NDST3: variants seen among roughly 807,000 people sequenced by gnomAD.
The protein encoded by NDST3 is N-deacetylase and N-sulfotransferase 3.
In NDST3, 58 loss-of-function variants were observed where a neutral mutation model predicts 96.1. The ratio of observed to expected loss-of-function variants is 0.60; its 90% CI spans 0.49 to 0.75. The LOEUF (loss-of-function observed/expected upper bound fraction) is 0.75. NDST3 is among the 30% of genes least tolerant of loss of function. The pLI is 0.00. For missense variants in NDST3, 788 were observed against 1,034.2 expected (o/e 0.76, Z 3.27); for synonymous variants, 333 against 359.7 (o/e 0.93, Z 0.84).
At chr4:118,063,625 TA>T (rs1726075886) in intron 2 of NDST3, among the ~76,000 whole-genome samples, 1 of 152,170 alleles carries the variant, frequency 6.6e-6, no homozygotes, top group African/African-American at 2.4e-5. Context: ...CAGACTGCAG[TA>T]AGTTACTCCC....
chr4:118,184,833 G>A (rs74517902), intron 6 of NDST3, among the ~76,000 whole-genome samples: 8,295 of 152,140 alleles, frequency 0.055, 456 homozygotes, highest in African/African-American at 0.14. Flanking sequence ...ATTTTCACAT[G>A]TGCCCTCTGA....
Position 118,231,111 on chromosome 4 carries a change from G to A in NDST3, c.1820-1901G>A, listed in dbSNP as rs577469889. Among the ~76,000 whole-genome samples the A allele has an allele frequency of 7.9e-5, 12 of 151,898 alleles. No individual in the cohort carries two copies. The South Asian group carries it at 2.3e-3, about 29-fold the overall frequency. On this transcript the variant is annotated intron_variant, in intron 8 of 13. Coordinates refer to ENST00000296499, the MANE Select transcript of NDST3 (RefSeq NM_004784.3). Reference sequence around the variant, plus strand: ...AGCACTTTGGGAGGCTGAGGTGGGCGGATCACCTGAGGTCAGGAGTTCGAG... The same window carrying A: ...AGCACTTTGGGAGGCTGAGGTGGGCAGATCACCTGAGGTCAGGAGTTCGAG...
intron 6 of NDST3, among the ~76,000 whole-genome samples, chr4:118,173,154 G>GTGTATA (rs61694736): frequency 8.7e-6 from 1 of 114,476 alleles, no homozygotes; most frequent in Non-Finnish European, 2.1e-5. Flanking sequence ...GTGTGTGTGT[G>GTGTATA]TATATATATA....
chr4:118,158,973 G>A (rs937496628), intron 6 of NDST3, among the ~76,000 whole-genome samples: 1 of 152,036 alleles, frequency 6.6e-6, no homozygotes, highest in African/African-American at 2.4e-5. Context: ...CTGCATAGAG[G>A]CCAGTAAAAA....
At chr4:118,155,023 C>T (rs556702795) in intron 6 of NDST3, among the ~76,000 whole-genome samples, 4 of 152,154 alleles carry the variant, frequency 2.6e-5, no homozygotes, top group Non-Finnish European at 4.4e-5. Flanking sequence ...GTCTAATGTA[C>T]TTTTAAAGAA....
At chr4:118,043,124 T>A (rs1199179119) in intron 1 of NDST3, among the ~76,000 whole-genome samples, 3 of 152,188 alleles carry the variant, frequency 2.0e-5, no homozygotes, top group African/African-American at 7.2e-5. Flanking sequence ...AATTGCATAA[T>A]GATAAGTATT....
chr4:118,059,748 A>G (rs770945764), intron 2 of NDST3, among the ~76,000 whole-genome samples: 3 of 152,146 alleles, frequency 2.0e-5, no homozygotes, highest in African/African-American at 7.2e-5. Context: ...TTATTCTGTC[A>G]TAAGTACACA....
intron 2 of NDST3, among the ~76,000 whole-genome samples, chr4:118,087,740 C>A (rs569260515): frequency 2.0e-5 from 3 of 152,130 alleles, no homozygotes; most frequent in African/African-American, 7.2e-5. Context: ...CTCTCTGTTA[C>A]AAAGGACAGC....
At chr4:118,196,215 C>A (rs1253910969) in intron 6 of NDST3, among the ~76,000 whole-genome samples, 1 of 152,112 alleles carries the variant, frequency 6.6e-6, no homozygotes, top group African/African-American at 2.4e-5. Flanking sequence ...TGATGAATGA[C>A]CTTTTTTACC....
At chr4:118,039,027 T>G (rs551474021) in intron 1 of NDST3, among the ~76,000 whole-genome samples, 4 of 152,230 alleles carry the variant, frequency 2.6e-5, no homozygotes, top group Admixed American at 2.6e-4. Flanking sequence ...CACTATGTTA[T>G]GGAATTGTCT....
intron 2 of NDST3, chr4:118,055,740 T>C (rs1725385407): frequency 2.0e-5 from 3 of 151,976 alleles, no homozygotes; most frequent in African/African-American, 7.2e-5. Context: ...AGTGAGACTT[T>C]TGATACATAG....
intron 6 of NDST3, among the ~76,000 whole-genome samples, chr4:118,209,515 C>T (rs1339231163): frequency 2.6e-5 from 4 of 152,166 alleles, no homozygotes; most frequent in Admixed American, 1.3e-4. Context: ...AATAGCAATG[C>T]ATTAAACCAA....
intron 1 of NDST3, among the ~76,000 whole-genome samples, chr4:118,044,688 A>G (rs1724655231): frequency 6.6e-6 from 1 of 152,244 alleles, no homozygotes; most frequent in African/African-American, 2.4e-5. Context: ...TAATTTATAA[A>G]CATTAACAAT....
chr4:118,193,771 A>C lies in NDST3; in HGVS notation c.1540-30720A>C, dbSNP rs1737476214. 2.7e-6 allele frequency: 4 copies of C among 1,487,180 alleles called. No homozygotes were observed. The Admixed American group carries it at 7.2e-5, about 27-fold the overall frequency. The allele number at this position is 1,487,180 out of a possible 1,614,324, so 92.1% of individuals were successfully genotyped here. A position where few individuals can be genotyped will look rare whatever the true frequency, so the allele number is the denominator to read the frequency against. Reference sequence around the variant, plus strand: ...GGGCCTTGTTACAGCTTTCAGTGGCAGCAGAGAAGGCCTGTAGTTTCAGAT... The same window carrying C: ...GGGCCTTGTTACAGCTTTCAGTGGCCGCAGAGAAGGCCTGTAGTTTCAGAT... On this transcript the variant is annotated intron_variant, in intron 6 of 13. Coordinates refer to ENST00000296499, the MANE Select transcript of NDST3 (RefSeq NM_004784.3).
intron 8 of NDST3, among the ~76,000 whole-genome samples, chr4:118,231,253 T>C (rs1224805918): frequency 1.3e-5 from 2 of 151,778 alleles, no homozygotes; most frequent in African/African-American, 4.8e-5. Flanking sequence ...TGAGAATCGC[T>C]TGAGCCCAGG....
chr4:118,061,564 A>T (rs1477974357), intron 2 of NDST3, among the ~76,000 whole-genome samples: 1 of 152,206 alleles, frequency 6.6e-6, no homozygotes, highest in African/African-American at 2.4e-5. Context: ...GCTACCAGAC[A>T]TACCATGTAT....
intron 2 of NDST3, among the ~76,000 whole-genome samples, chr4:118,067,374 A>G (rs767699023): frequency 6.6e-6 from 1 of 152,102 alleles, no homozygotes; most frequent in Non-Finnish European, 1.5e-5. Flanking sequence ...GTAAAGGGAG[A>G]AAATACTTTC....
At chr4:118,233,516 A>G (rs1043863465) in intron 9 of NDST3, among the ~76,000 whole-genome samples, 1 of 152,314 alleles carries the variant, frequency 6.6e-6, no homozygotes, top group African/African-American at 2.4e-5. Context: ...CAGCCAACAT[A>G]TGTAATTTTC....
intron 2 of NDST3, among the ~76,000 whole-genome samples, chr4:118,065,077 T>G (rs1726197494): frequency 6.6e-6 from 1 of 152,132 alleles, no homozygotes; most frequent in Non-Finnish European, 1.5e-5. Context: ...TAATCACATC[T>G]GCAAAATCTC....
Sources: allele counts gnomAD v4.1 joint callset (sites outside exome capture counted in the v4.1 genomes callset), GRCh38; gene constraint gnomAD v4.1.1; transcripts MANE v1.5; gene names NCBI Gene and HGNC (gene_info 2026-07-23, HGNC 2026-07-21).